Variants in SERPINA4 observed in about 807,000 individuals in gnomAD.
SERPINA4 encodes serpin family A member 4, also known as kallistatin.
A neutral mutation model predicts 25.4 loss-of-function variants in SERPINA4; 24 were observed. That is an observed-to-expected ratio of 0.95 (90% confidence interval 0.69 to 1.33). The LOEUF is 1.33. Among genes scored for constraint, SERPINA4 ranks in the 40% most tolerant of loss-of-function variants. SERPINA4 has a pLI of 0.00. For synonymous variants in SERPINA4, 242 were observed against 223.6 expected, an observed-to-expected ratio of 1.08 and a Z score of -0.73; for missense variants, 553 against 535.8, an observed-to-expected ratio of 1.03 and a Z score of -0.32.
At chr14:94,562,138 A>G (rs1007372156) in intron 1 of SERPINA4, among the ~76,000 whole-genome samples, 6 of 152,262 alleles carry the variant, frequency 3.9e-5, no homozygotes, top group Non-Finnish European at 8.8e-5. Flanking sequence ...TTCACATTTC[A>G]GTGTCCGTAA....
intron 2 of SERPINA4, among the ~76,000 whole-genome samples, chr14:94,566,539 C>T (rs79453696): frequency 9.9e-5 from 15 of 152,268 alleles, no homozygotes; most frequent in African/African-American, 3.1e-4. Context: ...CAAATCTACT[C>T]GCCTCCCTGC....
intron 1 of SERPINA4, chr14:94,561,860 G>C (rs1010290578): frequency 1.6e-6 from 2 of 1,289,688 alleles, no homozygotes; most frequent in Admixed American, 4.6e-5. Flanking sequence ...TGAGTGATGC[G>C]GTCCTATGTA....
chr14:94,561,807 C>T, intron 1 of SERPINA4: 1 of 1,289,856 alleles, frequency 7.8e-7, no homozygotes, highest in Non-Finnish European at 1.0e-6. Flanking sequence ...GCTGCCAATC[C>T]AGGTGATCTT....
intron 1 of SERPINA4, chr14:94,561,724 A>T: frequency 7.8e-7 from 1 of 1,289,744 alleles, no homozygotes; most frequent in Middle Eastern, 2.2e-4. Context: ...CTATGCCCGG[A>T]GACCCAGAAA....
intron 2 of SERPINA4, among the ~76,000 whole-genome samples, chr14:94,565,922 G>C (rs1211750633): frequency 6.6e-6 from 1 of 152,050 alleles, no homozygotes; most frequent in Non-Finnish European, 1.5e-5. Flanking sequence ...GGAAGGAAGA[G>C]AAACAGTAGT....
intron 1 of SERPINA4, chr14:94,561,852 A>G (rs1018859029): frequency 7.8e-7 from 1 of 1,289,596 alleles, no homozygotes; most frequent in African/African-American, 1.5e-5. Flanking sequence ...TGTGTCTGTG[A>G]GTGATGCGGT....
At chr14:94,567,357 C>CTCATA in intron 3 of SERPINA4, 114 bp downstream of exon 3, 1 of 1,185,898 alleles carries the variant, frequency 8.4e-7, no homozygotes, top group Non-Finnish European at 1.2e-6. Flanking sequence ...AGAGAATTCT[C>CTCATA]ACTTGCTCTG....
At chr14:94,566,601 C>T (rs1325697066) in intron 2 of SERPINA4, among the ~76,000 whole-genome samples, 1 of 152,176 alleles carries the variant, frequency 6.6e-6, no homozygotes, top group Non-Finnish European at 1.5e-5. Context: ...AGTAGTGACC[C>T]ACCTCTTATG....
intron 1 of SERPINA4, chr14:94,561,805 T>A: frequency 7.8e-7 from 1 of 1,289,808 alleles, no homozygotes. Context: ...TGGCTGCCAA[T>A]CCAGGTGATC....
In SERPINA4 at chr14:94,568,116, A is replaced by G. The variant is rs5512; in HGVS notation, c.924-13A>G. 15,528 of 1,613,908 alleles carry G rather than the reference A, an allele frequency of 9.6e-3. 104 individuals carry two copies. The highest frequency in any genetic ancestry group is 0.011 in the Non-Finnish European group (12,873 of 1,179,818). The stretch of plus-strand genomic sequence containing the variant: ...TTCATTAATCTAATGTTCTAACTCA[A>G]TGCCCCTTTCAGGAATTTTTACAAG... On this transcript the variant is annotated splice_polypyrimidine_tract_variant and intron_variant, in intron 3 of 4. Transcript: ENST00000557004.
At chr14:94,561,690 G>A (rs1455776718) in intron 1 of SERPINA4, 196 bp downstream of exon 1, 2 of 1,289,412 alleles carry the variant, frequency 1.6e-6, no homozygotes, top group East Asian at 5.6e-5. Context: ...CCCCGACTTA[G>A]GGTCCATGGG....
At chr14:94,569,303 A>G in intron 4 of SERPINA4, 92 bp from the exon 5 acceptor site, 2 of 1,185,632 alleles carry the variant, frequency 1.7e-6, no homozygotes, top group Admixed American at 2.0e-5. Flanking sequence ...GTTATGTGCA[A>G]TATTATTCCC....
Position 94,567,229 on chromosome 14 carries a change from C to G in SERPINA4, c.909C>G (p.Asn303Lys). ...CAGAGATGCTAATGAGGTGGAACAA[C>G]TTGTTGCGGAAGAGGTAATCAGTGT... ...LTPEMLMRWN[N>K]LLRKRNFYKK... The change falls in exon 3 of 5, where the codon AAC becomes AAG. Residue 303 changes from asparagine (N) to lysine (K), a missense_variant. Physicochemically the swap from Asn to Lys is moderately conservative, Grantham distance 94. Coordinates refer to ENST00000557004, the MANE Select transcript of SERPINA4 (RefSeq NM_006215.4). 10 of 1,613,516 alleles carry G rather than the reference C, an allele frequency of 6.2e-6. No homozygotes were observed. Among genetic ancestry groups the G allele is most frequent in the Non-Finnish European group, 8.5e-6 (10 of 1,179,768 alleles).
At chr14:94,561,790 T>A in intron 1 of SERPINA4, 1 of 1,289,712 alleles carries the variant, frequency 7.8e-7, no homozygotes, top group Non-Finnish European at 1.0e-6. Flanking sequence ...AGGGCCAAGG[T>A]CTTCTGGCTG....
intron 2 of SERPINA4, 144 bp downstream of exon 2, chr14:94,564,275 T>A: frequency 1.3e-6 from 1 of 778,218 alleles, no homozygotes; most frequent in Non-Finnish European, 2.1e-6. Flanking sequence ...GGGAATGCAA[T>A]GTGAGAATGT....
chr14:94,562,383 A>C (rs1340160389), intron 1 of SERPINA4, among the ~76,000 whole-genome samples: 1 of 152,152 alleles, frequency 6.6e-6, no homozygotes, highest in African/African-American at 2.4e-5. Flanking sequence ...GTTGGAGACC[A>C]GCTTGGGCAG....
Position 94,563,958 on chromosome 14 carries a change from C to A in SERPINA4, c.476C>A (p.Thr159Asn). ...TTCCTTGCAAAATTCCTGAATGACA[C>A]CATGGCCGTCTATGAGGCTAAACTC... ...LKFLAKFLND[T>N]MAVYEAKLFH... The change falls in exon 2 of 5, where the codon ACC becomes AAC. Residue 159 changes from threonine to asparagine, a missense_variant. Coordinates refer to ENST00000557004, the MANE Select transcript of SERPINA4 (RefSeq NM_006215.4). The A allele has an allele frequency of 1.9e-6, 3 of 1,614,190 alleles. No individual in the cohort carries two copies. Among genetic ancestry groups the A allele is most frequent in the Non-Finnish European group, 2.5e-6 (3 of 1,180,040 alleles).
At chr14:94,561,581 T>C in intron 1 of SERPINA4, 87 bp downstream of exon 1, 1 of 1,104,110 alleles carries the variant, frequency 9.1e-7, no homozygotes, top group Non-Finnish European at 1.2e-6. Flanking sequence ...TGATAATTCT[T>C]CTGGGATATA....
rs982432473 is a variant in SERPINA4 at position 94,563,758 on chromosome 14, G to A, written c.276G>A (p.Gly92=). 3 of 1,614,084 alleles carry A rather than the reference G, an allele frequency of 1.9e-6. No homozygotes were observed. The highest frequency in any genetic ancestry group is 2.7e-5 in the African/African-American group (2 of 75,050). ...CGGCCTACGCCATGCTTTCCCTGGG[G>A]GCCTGCTCACACAGCCGCAGCCAGA... ...ISAAYAMLSL[G]ACSHSRSQIL... The change falls in exon 2 of 5, where the codon GGG becomes GGA. Residue 92 remains glycine (G), a synonymous_variant. Coordinates refer to ENST00000557004, the MANE Select transcript of SERPINA4 (RefSeq NM_006215.4).
Sources: allele counts gnomAD v4.1 joint callset (sites outside exome capture counted in the v4.1 genomes callset), GRCh38; gene constraint gnomAD v4.1.1; transcripts MANE v1.5; gene names NCBI Gene and HGNC (gene_info 2026-07-23, HGNC 2026-07-21).